The following GAREM2 variants were observed in gnomAD, a reference collection of about 807,000 sequenced individuals.
GAREM2 encodes the protein GRB2 associated regulator of MAPK1 subtype 2, also known as GRB2-associated and regulator of MAPK protein 2.
GAREM2 carries 30 observed loss-of-function variants against 55.6 expected under a neutral mutation model. The observed-to-expected ratio is 0.54, with a 90% CI of 0.40 to 0.73. The LOEUF is 0.73. Among genes scored for constraint, GAREM2 ranks in the 30% least tolerant of loss-of-function variants. The probability of loss-of-function intolerance (pLI) is 0.00; values close to 1 mark genes in which losing one functional copy is unlikely to be tolerated. For synonymous variants in GAREM2, 550 were observed against 569.1 expected (o/e 0.97, Z 0.48); for missense variants, 1,075 against 1,257.7 (o/e 0.85, Z 2.20).
downstream of GAREM2, chr2:26,191,675 G>C: frequency 6.2e-7 from 1 of 1,601,572 alleles, no homozygotes; most frequent in Non-Finnish European, 8.6e-7. Flanking sequence ...GAAAAGGGGA[G>C]GAAAGCCAGA....
chr2:26,191,984 C>A (rs1276415136), downstream of GAREM2, among the ~76,000 whole-genome samples: 1 of 152,168 alleles, frequency 6.6e-6, no homozygotes, highest in Non-Finnish European at 1.5e-5. Flanking sequence ...GGGAACTTGC[C>A]AGAGAAGGCT....
downstream of GAREM2, among the ~76,000 whole-genome samples, chr2:26,192,069 C>T (rs200032312): frequency 2.6e-5 from 4 of 152,188 alleles, no homozygotes; most frequent in South Asian, 4.2e-4. Flanking sequence ...GGAGCACGTG[C>T]GAGGGCCTTC....
At chr2:26,191,765 G>T, downstream of GAREM2, 1 of 872,056 alleles carries the variant, frequency 1.1e-6, no homozygotes, top group Non-Finnish European at 1.9e-6. Flanking sequence ...CAGAGAAGAT[G>T]CTGCCTGGGT....
chr2:26,188,368 G>T lies in GAREM2; in HGVS notation c.*111G>T. The T allele has an allele frequency of 2.4e-6, 2 of 832,892 alleles. No individual in the cohort carries two copies. The allele number at this position is 832,892 out of a possible 1,614,324, so 51.6% of individuals were successfully genotyped here. A position where few individuals can be genotyped will look rare whatever the true frequency, so the allele number is the denominator to read the frequency against. ...AAGGATCTATGTCGAGACTGAGGCT[G>T]CTCAGCAGCCACTGGGTGGATCCAG... On this transcript the variant is annotated 3_prime_UTR_variant, in exon 6 of 6. Coordinates refer to ENST00000401533, the MANE Select transcript of GAREM2 (RefSeq NM_001168241.2).
At chr2:26,182,253 G>A in intron 2 of GAREM2, 1 of 1,423,062 alleles carries the variant, frequency 7.0e-7, no homozygotes, top group Middle Eastern at 2.6e-4. Context: ...GCTTGGCAAA[G>A]CACGCAGCCC....
chr2:26,197,084 C>T, the GAREM2 span, among the ~76,000 whole-genome samples: 12 of 152,212 alleles, frequency 7.9e-5, no homozygotes, highest in African/African-American at 2.4e-4. Flanking sequence ...TGCCTACCTT[C>T]GGCTGGTTCT....
In GAREM2 at chr2:26,187,962, G is replaced by T. The variant is rs201944096; in HGVS notation, c.2330G>T (p.Arg777Leu). The T allele has an allele frequency of 1.1e-5, 16 of 1,453,482 alleles. No individual in the cohort carries two copies. The highest frequency in any genetic ancestry group is 1.4e-5 in the African/African-American group (1 of 69,832). 90.0% of individuals were successfully genotyped at this position (1,453,482 alleles called of 1,614,324 possible). ...GGAGCACTTTTTCTAACCCAAGGGC[G>T]CCTGGAAGGGCCTCCTGCCAGTCCC... Reference protein sequence around the residue: ...AGGALFLTQGRLEGPPASPRD... With the variant: ...AGGALFLTQGLLEGPPASPRD... The change falls in exon 6 of 6, where the codon CGC becomes CTC. Residue 777 changes from arginine to leucine, a missense_variant. Around this residue, in one of 6 missense-constraint regions of GAREM2, gnomAD observed 142 missense variants for 172.3 expected, o/e 0.82. Transcript: ENST00000401533.
chr2:26,181,927 T>A (rs1669063531), intron 2 of GAREM2: 1 of 838,376 alleles, frequency 1.2e-6, no homozygotes. Flanking sequence ...TGCAGTGAGT[T>A]GTGATCATGC....
Position 26,186,285 on chromosome 2 carries a change from C to G in GAREM2, c.1525C>G (p.Arg509Gly), listed in dbSNP as rs1488182873. The change falls in exon 5 of 6, where the codon CGC becomes GGC. Residue 509 changes from arginine (R) to glycine (G), a missense_variant. Transcript: ENST00000401533. ...CTCCAGCAGCCCCCCGGTTCCCCCT[C>G]GCTTCCCCAAGCTGCAGCCGGTACA... The part of the protein sequence containing the change: ...RLSSSPPVPP[R>G]FPKLQPVHSP... The G allele has an allele frequency of 2.6e-6, 4 of 1,551,136 alleles. No individual in the cohort carries two copies. The South Asian group carries it at 3.6e-5, about 14-fold the overall frequency.
downstream of GAREM2, chr2:26,191,313 C>T (rs747736407): frequency 1.2e-6 from 2 of 1,613,846 alleles, no homozygotes; most frequent in Admixed American, 3.3e-5. Flanking sequence ...ATGGGGTGAA[C>T]TGTTTTCCAT....
In GAREM2 at chr2:26,179,569, G is replaced by A. The variant is rs1668976614; in HGVS notation, c.253+3085G>A. ...GAGCGAGGCAGCCATGTGCTCTGAG[G>A]GCAAGGACAAGGAGGAGGGGCAGGT... On this transcript the variant is annotated intron_variant, in intron 2 of 5. Coordinates refer to ENST00000401533, the MANE Select transcript of GAREM2 (RefSeq NM_001168241.2). This position sits in a 1 kb window ranked among gnomAD's most constrained non-coding sequence, Gnocchi z 4.7. Among the ~76,000 whole-genome samples, 1 of 152,128 alleles carries A rather than the reference G, an allele frequency of 6.6e-6. No homozygotes were observed. The highest frequency in any genetic ancestry group is 1.9e-4 in the East Asian group (1 of 5,160).
chr2:26,185,562 AG>A (rs921684697), intron 4 of GAREM2, among the ~76,000 whole-genome samples: 2 of 152,216 alleles, frequency 1.3e-5, no homozygotes, highest in African/African-American at 4.8e-5. Context: ...ACCACAGAAC[AG>A]GGGTCCTTTA....
At chr2:26,200,553 A>C in the GAREM2 span, among the ~76,000 whole-genome samples, 2 of 152,198 alleles carry the variant, frequency 1.3e-5, no homozygotes, top group Admixed American at 6.5e-5. Flanking sequence ...TCGGCTAACC[A>C]AAAAATCTCA....
the GAREM2 span, among the ~76,000 whole-genome samples, chr2:26,198,536 A>G: frequency 6.6e-5 from 10 of 152,226 alleles, no homozygotes; most frequent in South Asian, 2.1e-3. Flanking sequence ...AAATGTGTGC[A>G]AATCTGGAAC....
downstream of GAREM2, chr2:26,191,259 G>A (rs1470549989): frequency 6.2e-7 from 1 of 1,612,576 alleles, no homozygotes; most frequent in South Asian, 1.1e-5. Context: ...CTCACTGGTA[G>A]AACTTCTTGT....
At chr2:26,175,936 C>A (rs879272662) in intron 1 of GAREM2, among the ~76,000 whole-genome samples, 1 of 152,202 alleles carries the variant, frequency 6.6e-6, no homozygotes, top group Non-Finnish European at 1.5e-5. Flanking sequence ...CCTCCGGGTC[C>A]CCAGACATAC....
intron 2 of GAREM2, among the ~76,000 whole-genome samples, chr2:26,177,274 CCT>C (rs1668893195): frequency 6.6e-6 from 1 of 152,144 alleles, no homozygotes; most frequent in African/African-American, 2.4e-5. Context: ...GTTGCTGTCC[CCT>C]GTGTGGGAGG....
chr2:26,191,651 AG>A, downstream of GAREM2: 1 of 1,613,466 alleles, frequency 6.2e-7, no homozygotes, highest in South Asian at 1.1e-5. Context: ...AGAGATGTTT[AG>A]GTAGAAGAAG....
At chr2:26,174,123 G>A (rs977786805) in intron 1 of GAREM2, among the ~76,000 whole-genome samples, 1 of 152,204 alleles carries the variant, frequency 6.6e-6, no homozygotes, top group Non-Finnish European at 1.5e-5. Flanking sequence ...GAAGAATAGG[G>A]GTTTGGCCCG....
Sources: allele counts gnomAD v4.1 joint callset (sites outside exome capture counted in the v4.1 genomes callset), GRCh38; gene constraint gnomAD v4.1.1; regional missense constraint gnomAD v4.1.1; non-coding constraint Gnocchi (gnomAD v3.1); transcripts MANE v1.5; gene names NCBI Gene and HGNC (gene_info 2026-07-23, HGNC 2026-07-21).